ZRANB3: variants seen among roughly 807,000 people sequenced by gnomAD.
ZRANB3 encodes zinc finger RANBP2-type containing 3.
In ZRANB3, 125 loss-of-function variants were observed where a neutral mutation model predicts 133.8. The observed-to-expected ratio is 0.93, with a 90% CI of 0.81 to 1.08. The LOEUF (loss-of-function observed/expected upper bound fraction) is 1.08. Among genes scored for constraint, ZRANB3 ranks in the 50% least tolerant of loss-of-function variants. The pLI is 0.00. For synonymous variants in ZRANB3, 387 were observed against 432.7 expected, an observed-to-expected ratio of 0.89 and a Z score of 1.31; for missense variants, 1,229 against 1,275.5, an observed-to-expected ratio of 0.96 and a Z score of 0.56.
At chr2:135,528,473 G>C (rs1335106369) in intron 1 of ZRANB3, among the ~76,000 whole-genome samples, 1 of 151,978 alleles carries the variant, frequency 6.6e-6, no homozygotes, top group Non-Finnish European at 1.5e-5. Flanking sequence ...TACCTTCATT[G>C]AGCCTCACTT....
At chr2:135,243,400 C>A (rs61367078) in intron 12 of ZRANB3, among the ~76,000 whole-genome samples, 1 of 152,284 alleles carries the variant, frequency 6.6e-6, no homozygotes, top group East Asian at 1.9e-4. Context: ...GTAATCCCAG[C>A]TACTCAGGAG....
intron 8 of ZRANB3, among the ~76,000 whole-genome samples, chr2:135,287,909 C>G (rs1224670279): frequency 1.3e-5 from 2 of 152,012 alleles, no homozygotes; most frequent in Non-Finnish European, 2.9e-5. Context: ...TCTTTGCTGA[C>G]ATGGATGCCC....
intron 2 of ZRANB3, among the ~76,000 whole-genome samples, chr2:135,432,375 G>T (rs1004881841): frequency 6.6e-6 from 1 of 152,076 alleles, no homozygotes; most frequent in African/African-American, 2.4e-5. Flanking sequence ...ACATGAAAAT[G>T]GGAATTTTTA....
rs187121822 is a variant in ZRANB3 at position 135,380,925 on chromosome 2, C to T, written c.180+9877G>A. On this transcript the variant is annotated intron_variant, in intron 3 of 20. Coordinates refer to ENST00000264159, the MANE Select transcript of ZRANB3 (RefSeq NM_032143.4). ...TCCAGTCTACAGCCCCTAGCATGAG[C>T]GACGCAGAAGAGGGGTGATTTCTGC... 1.3e-3 allele frequency among the ~76,000 whole-genome samples: 198 copies of T among 152,254 alleles called. 1 individual carries two copies. Among genetic ancestry groups the T allele is most frequent in the African/African-American group, 3.5e-3 (147 of 41,562 alleles).
intron 2 of ZRANB3, among the ~76,000 whole-genome samples, chr2:135,404,423 C>T (rs1471376234): frequency 1.3e-5 from 2 of 152,136 alleles, no homozygotes; most frequent in Non-Finnish European, 2.9e-5. Context: ...AAGAAACGAA[C>T]AAAGCCTCCA....
chr2:135,445,264 T>C (rs1436973457), intron 2 of ZRANB3, among the ~76,000 whole-genome samples: 1 of 151,790 alleles, frequency 6.6e-6, no homozygotes, highest in Admixed American at 6.6e-5. Context: ...GCCAACATAA[T>C]GAAACCCCAT....
chr2:135,281,151 A>G (rs1483924217), intron 8 of ZRANB3, among the ~76,000 whole-genome samples: 1 of 152,140 alleles, frequency 6.6e-6, no homozygotes, highest in Non-Finnish European at 1.5e-5. Context: ...CGTCTATTGC[A>G]AAAGAGTTGA....
At chr2:135,355,928 AG>A (rs1685410628) in intron 3 of ZRANB3, among the ~76,000 whole-genome samples, 1 of 152,192 alleles carries the variant, frequency 6.6e-6, no homozygotes, top group South Asian at 2.1e-4. Flanking sequence ...TCTGCAACCC[AG>A]ATTCTATCAC....
intron 3 of ZRANB3, among the ~76,000 whole-genome samples, chr2:135,378,502 A>C (rs977335699): frequency 6.6e-6 from 1 of 150,486 alleles, no homozygotes; most frequent in Non-Finnish European, 1.5e-5. Context: ...AAAAAAAAAA[A>C]CAAAACAAAA....
At chr2:135,463,664 G>A (rs758424838) in intron 2 of ZRANB3, among the ~76,000 whole-genome samples, 11 of 152,060 alleles carry the variant, frequency 7.2e-5, no homozygotes, top group Non-Finnish European at 1.5e-4. Context: ...TCATCTGCCC[G>A]CCTCAGCCTC....
chr2:135,220,190 C>G (rs1338891585), intron 15 of ZRANB3, among the ~76,000 whole-genome samples: 1 of 152,070 alleles, frequency 6.6e-6, no homozygotes, highest in Non-Finnish European at 1.5e-5. Context: ...TAGGCATGAG[C>G]CACCACGCCC....
At chr2:135,419,757 A>G (rs1261618340) in intron 2 of ZRANB3, among the ~76,000 whole-genome samples, 2 of 150,484 alleles carry the variant, frequency 1.3e-5, no homozygotes, top group African/African-American at 4.9e-5. Context: ...GAGCAGGGCT[A>G]CCCCATAGGC....
chr2:135,271,061 C>T (rs545784704), intron 10 of ZRANB3, among the ~76,000 whole-genome samples: 28 of 152,298 alleles, frequency 1.8e-4, no homozygotes, highest in South Asian at 8.3e-4. Context: ...GGTTGTGGGA[C>T]TAACTATAAG....
At chr2:135,454,783 G>A (rs1368924140) in intron 2 of ZRANB3, among the ~76,000 whole-genome samples, 1 of 152,062 alleles carries the variant, frequency 6.6e-6, no homozygotes, top group Admixed American at 6.5e-5. Flanking sequence ...CTTTTTCATG[G>A]CTGAGTAGTA....
intron 3 of ZRANB3, among the ~76,000 whole-genome samples, chr2:135,375,651 C>T (rs1423682884): frequency 6.6e-6 from 1 of 151,564 alleles, no homozygotes; most frequent in Non-Finnish European, 1.5e-5. Flanking sequence ...TGCCACTGCA[C>T]TCCAGCCTGG....
intron 8 of ZRANB3, among the ~76,000 whole-genome samples, chr2:135,299,243 T>C (rs988629020): frequency 6.6e-6 from 1 of 152,104 alleles, no homozygotes; most frequent in Admixed American, 6.6e-5. Flanking sequence ...AGGGAGATTA[T>C]GGTTGCCTCT....
At chr2:135,503,795 T>G (rs1412266112) in intron 2 of ZRANB3, among the ~76,000 whole-genome samples, 1 of 151,716 alleles carries the variant, frequency 6.6e-6, no homozygotes, top group Non-Finnish European at 1.5e-5. Flanking sequence ...ACCCATCCCT[T>G]AAAAAAACAC....
At chr2:135,406,431 C>CA (rs1402338470) in intron 2 of ZRANB3, among the ~76,000 whole-genome samples, 6 of 152,012 alleles carry the variant, frequency 3.9e-5, no homozygotes, top group Admixed American at 2.0e-4. Flanking sequence ...GAAACTATTC[C>CA]ATCAATAGAA....
chr2:135,272,673 C>A (rs1049717900), intron 9 of ZRANB3, among the ~76,000 whole-genome samples: 1 of 151,716 alleles, frequency 6.6e-6, no homozygotes, highest in Non-Finnish European at 1.5e-5. Flanking sequence ...TCATCGCTCC[C>A]GGCTGGAAAA....
Sources: gnomAD v4.1 joint callset for allele counts (sites outside exome capture counted in the v4.1 genomes callset) on GRCh38, gnomAD v4.1.1 for gene constraint, MANE v1.5 for transcripts, NCBI Gene and HGNC (gene_info 2026-07-23, HGNC 2026-07-21) for gene names.